Variants in FRMPD1 observed in about 807,000 individuals in gnomAD.
FRMPD1 encodes FERM and PDZ domain containing 1.
A neutral mutation model predicts 117.8 loss-of-function variants in FRMPD1; 76 were observed. The ratio of observed to expected loss-of-function variants is 0.65; its 90% CI spans 0.54 to 0.78. The LOEUF is 0.78. FRMPD1 is among the 30% of genes least tolerant of loss of function. FRMPD1 has a pLI of 0.00. For missense variants in FRMPD1, 1,786 were observed against 1,964.5 expected (o/e 0.91, Z 1.72); for synonymous variants, 783 against 770.4 (o/e 1.02, Z -0.27).
chr9:37,683,214 T>G (rs1821791005), intron 1 of FRMPD1, among the ~76,000 whole-genome samples: 1 of 152,252 alleles, frequency 6.6e-6, no homozygotes, highest in East Asian at 1.9e-4. Context: ...TGCTGTACCA[T>G]GCATCAGGAC....
At chr9:37,710,324 G>A (rs1822858857) in intron 4 of FRMPD1, among the ~76,000 whole-genome samples, 1 of 152,170 alleles carries the variant, frequency 6.6e-6, no homozygotes, top group Non-Finnish European at 1.5e-5. Flanking sequence ...GAAGTCAAAT[G>A]AAATTATTTT....
At chr9:37,650,681 C>T (rs1820639712), upstream of FRMPD1, among the ~76,000 whole-genome samples, 1 of 152,176 alleles carries the variant, frequency 6.6e-6, no homozygotes, top group South Asian at 2.1e-4. Flanking sequence ...CAGCCTCAGT[C>T]TCCCCCCTGG....
chr9:37,664,302 TATG>T (rs1821091573), intron 1 of FRMPD1, among the ~76,000 whole-genome samples: 2 of 120,158 alleles, frequency 1.7e-5, no homozygotes, highest in South Asian at 2.8e-4. Context: ...TGTATGTATG[TATG>T]TATTTATTTA....
At chr9:37,620,924 G>A in the FRMPD1 span, among the ~76,000 whole-genome samples, 3 of 152,034 alleles carry the variant, frequency 2.0e-5, no homozygotes, top group African/African-American at 7.2e-5. Context: ...AAAAGTGCTA[G>A]GCTCATAAGA....
chr9:37,685,263 G>A (rs915668416), intron 1 of FRMPD1, among the ~76,000 whole-genome samples: 2 of 152,142 alleles, frequency 1.3e-5, no homozygotes, highest in Non-Finnish European at 2.9e-5. Flanking sequence ...AAAAATTTGA[G>A]TTGATATGTG....
the FRMPD1 span, among the ~76,000 whole-genome samples, chr9:37,608,400 A>G: frequency 1.7e-5 from 2 of 117,092 alleles, no homozygotes; most frequent in African/African-American, 6.2e-5. Flanking sequence ...TTTTTTTTCT[A>G]TCTTTCTCTC....
At chr9:37,714,988 C>G (rs1217946942) in intron 5 of FRMPD1, among the ~76,000 whole-genome samples, 1 of 152,142 alleles carries the variant, frequency 6.6e-6, no homozygotes, top group Non-Finnish European at 1.5e-5. Flanking sequence ...TCATATATGT[C>G]TTGCTTTAGC....
intron 1 of FRMPD1, among the ~76,000 whole-genome samples, chr9:37,674,751 C>G (rs1821467547): frequency 6.6e-6 from 1 of 152,184 alleles, no homozygotes; most frequent in Admixed American, 6.5e-5. Flanking sequence ...CCCTGATAAA[C>G]CCATCAGATC....
At chr9:37,707,644 C>A in intron 3 of FRMPD1, 71 bp downstream of exon 3, 1 of 1,235,326 alleles carries the variant, frequency 8.1e-7, no homozygotes, top group Non-Finnish European at 1.2e-6. Flanking sequence ...TCTCCCCGAT[C>A]TCTCTATCCT....
chr9:37,604,491 A>C, the FRMPD1 span, among the ~76,000 whole-genome samples: 1 of 152,208 alleles, frequency 6.6e-6, no homozygotes, highest in Non-Finnish European at 1.5e-5. Flanking sequence ...AGAACTGGAA[A>C]TATGTAGTCA....
At chr9:37,657,420 A>G (rs1820875477) in intron 1 of FRMPD1, among the ~76,000 whole-genome samples, 1 of 152,236 alleles carries the variant, frequency 6.6e-6, no homozygotes, top group African/African-American at 2.4e-5. Flanking sequence ...GTTCTTATAA[A>G]AATAATTTAT....
chr9:37,704,536 C>T (rs1467551415), intron 2 of FRMPD1, among the ~76,000 whole-genome samples: 4 of 152,040 alleles, frequency 2.6e-5, no homozygotes, highest in Non-Finnish European at 5.9e-5. Flanking sequence ...AATTTGAAAC[C>T]TGCTTCCCAG....
At chr9:37,684,508 G>A (rs1258506256) in intron 1 of FRMPD1, among the ~76,000 whole-genome samples, 2 of 152,156 alleles carry the variant, frequency 1.3e-5, no homozygotes, top group Non-Finnish European at 2.9e-5. Context: ...GAAAATAAAA[G>A]GGATGTGATT....
chr9:37,664,444 G>A (rs1327491913), intron 1 of FRMPD1, among the ~76,000 whole-genome samples: 2 of 152,084 alleles, frequency 1.3e-5, no homozygotes, highest in African/African-American at 4.8e-5. Context: ...ACATGCATTA[G>A]CTATTTGTCC....
At chr9:37,680,226 G>A (rs1342525699) in intron 1 of FRMPD1, among the ~76,000 whole-genome samples, 3 of 152,196 alleles carry the variant, frequency 2.0e-5, no homozygotes, top group Non-Finnish European at 4.4e-5. Flanking sequence ...TCTAAGAGAT[G>A]TCTAATCCTG....
chr9:37,655,261 T>G (rs1256670883), intron 1 of FRMPD1, among the ~76,000 whole-genome samples: 1 of 152,174 alleles, frequency 6.6e-6, no homozygotes, highest in Non-Finnish European at 1.5e-5. Context: ...GCCCTGTTAT[T>G]TTTACTTCCA....
At chr9:37,733,854 CT>C (rs1317313804) in intron 12 of FRMPD1, 29 bp downstream of exon 12, 3 of 1,211,086 alleles carry the variant, frequency 2.5e-6, no homozygotes, top group Non-Finnish European at 3.7e-6. Context: ...TGAAATCCTA[CT>C]CACGTAAGGG....
chr9:37,659,987 C>T (rs945375121), intron 1 of FRMPD1, among the ~76,000 whole-genome samples: 4 of 147,822 alleles, frequency 2.7e-5, no homozygotes, highest in Admixed American at 1.4e-4. Flanking sequence ...AGTAGTGGAG[C>T]TGAGAGAAAG....
intron 12 of FRMPD1, among the ~76,000 whole-genome samples, chr9:37,735,148 A>G (rs934487372): frequency 6.6e-6 from 1 of 152,246 alleles, no homozygotes; most frequent in Non-Finnish European, 1.5e-5. Flanking sequence ...ACAGAACAAC[A>G]GAGAGGAAAG....
Sources: allele counts gnomAD v4.1 joint callset (sites outside exome capture counted in the v4.1 genomes callset), GRCh38; gene constraint gnomAD v4.1.1; transcripts MANE v1.5; gene names NCBI Gene and HGNC (gene_info 2026-07-23, HGNC 2026-07-21).